CD37: variants seen among roughly 807,000 people sequenced by gnomAD.
The protein encoded by CD37 is leukocyte antigen CD37.
In CD37, 37 loss-of-function variants were observed where a neutral mutation model predicts 38.9. The observed-to-expected ratio is 0.95, with a 90% CI of 0.73 to 1.25. The LOEUF (loss-of-function observed/expected upper bound fraction) is 1.25. Ranked by LOEUF, CD37 falls within the 50% of genes most tolerant of loss-of-function variation. CD37 has a pLI of 0.00. For missense variants in CD37, 351 were observed against 360.1 expected, an observed-to-expected ratio of 0.97 and a Z score of 0.20; for synonymous variants, 146 against 150.1, an observed-to-expected ratio of 0.97 and a Z score of 0.20.
chr19:49,339,572 C>T lies in CD37; in HGVS notation c.768+159C>T. The T allele has an allele frequency of 4.8e-6, 7 of 1,453,308 alleles. No individual in the cohort carries two copies. Among genetic ancestry groups the T allele is most frequent in the Non-Finnish European group, 5.4e-6 (6 of 1,103,830 alleles). 90.0% of individuals were successfully genotyped at this position (1,453,308 alleles called of 1,614,324 possible). ...TCCACCCAGCACCGGAGGGTGGGGG[C>T]GGCCCAGCTTCAGGGAGCCCTGATT... On this transcript the variant is annotated intron_variant, in intron 7 of 7. Coordinates refer to ENST00000323906, the MANE Select transcript of CD37 (RefSeq NM_001774.3). The surrounding 1 kb of genome is among the most constrained non-coding windows in gnomAD (Gnocchi z 4.5).
chr19:49,336,765 G>A (rs1166758518), intron 2 of CD37, 144 bp from the exon 3 acceptor site: 1 of 750,938 alleles, frequency 1.3e-6, no homozygotes, highest in Non-Finnish European at 2.2e-6. Flanking sequence ...GAAGGAAACA[G>A]GGACTCAGGG....
At position 49,338,768 on chromosome 19, in the gene CD37, G is replaced by A. The variant is rs765282022; in HGVS notation, c.516G>A (p.Ser172=). The A allele has an allele frequency of 1.2e-6, 2 of 1,613,672 alleles. No homozygotes were observed. The highest frequency in any genetic ancestry group is 1.7e-6 in the Non-Finnish European group (2 of 1,180,020). The stretch of plus-strand genomic sequence containing the variant: ...TCCTCATCCTGAGAGGTAACGGGTC[G>A]GAGGCGCACCGCGTGCCCTGCTCCT... ...FQVLILRGNG[S]EAHRVPCSCY... The change falls in exon 6 of 8, where the codon TCG becomes TCA. Residue 172 remains serine (S), a synonymous_variant. Coordinates refer to ENST00000323906, the MANE Select transcript of CD37 (RefSeq NM_001774.3). The surrounding 1 kb of genome is among the most constrained non-coding windows in gnomAD (Gnocchi z 5.0).
chr19:49,336,900 C>T lies in CD37; in HGVS notation c.143-9C>T. 1 of 1,613,774 alleles carries T rather than the reference C, an allele frequency of 6.2e-7. No homozygotes were observed. The highest frequency in any genetic ancestry group is 8.5e-7 in the Non-Finnish European group (1 of 1,179,760). On this transcript the variant is annotated splice_polypyrimidine_tract_variant and intron_variant, in intron 2 of 7. Transcript: ENST00000323906. ...CACAGCTCATCATCACTCCCCTCAC[C>T]TCTCCCAGGCTTGGCCTTCGTGCCT...
Position 49,340,347 on chromosome 19 carries a change from TCCCGC to T in CD37, c.*28_*32del. On this transcript the variant is annotated 3_prime_UTR_variant, in exon 8 of 8. Coordinates refer to ENST00000323906, the MANE Select transcript of CD37 (RefSeq NM_001774.3). ...CCGTTAGGCCCCGCCCTCCCCAAAG[TCCCGC>T]CCCGCCCCCGTCACGTGCGCTGGGC... 2 of 1,544,988 alleles carry T rather than the reference TCCCGC, an allele frequency of 1.3e-6. No homozygotes were observed. The highest frequency in any genetic ancestry group is 1.8e-6 in the Non-Finnish European group (2 of 1,119,194).
Position 49,335,572 on chromosome 19 carries a change from T to C in CD37, c.32T>C (p.Ile11Thr), listed in dbSNP as rs1412979032. 3.1e-6 allele frequency: 5 copies of C among 1,613,952 alleles called. No homozygotes were observed. In the African/African-American group the frequency reaches 6.7e-5, roughly 22 times the overall value. Residue 11 changes from isoleucine to threonine, a missense_variant, in exon 1 of 8, where the codon ATC (isoleucine) becomes ACC (threonine). By Grantham distance (89) the Ile-to-Thr change is moderately conservative. Coordinates refer to ENST00000323906, the MANE Select transcript of CD37 (RefSeq NM_001774.3). The surrounding 1 kb of genome is among the most constrained non-coding windows in gnomAD (Gnocchi z 4.6). ...GCCCAGGAGAGCTGCCTCAGCCTCATCAAGTACTTCCTCTTCGTTTTCAAC... is the reference window on the plus strand; with the variant it reads ...GCCCAGGAGAGCTGCCTCAGCCTCACCAAGTACTTCCTCTTCGTTTTCAAC... MSAQESCLSLIKYFLFVFNLF... is the reference protein window; with the variant it reads MSAQESCLSLTKYFLFVFNLF...
Position 49,338,908 on chromosome 19 carries a change from T to C in CD37, c.656T>C (p.Val219Ala), listed in dbSNP as rs1854356715. 6.2e-7 allele frequency: 1 copy of C among 1,613,802 alleles called. No homozygotes were observed. Among genetic ancestry groups the C allele is most frequent in the Non-Finnish European group, 8.5e-7 (1 of 1,179,840 alleles). The change falls in exon 6 of 8, where the codon GTC becomes GCC. Residue 219 changes from valine (V) to alanine (A), a missense_variant. By Grantham distance (64) the Val-to-Ala change is moderately conservative (BLOSUM62 0). Transcript: ENST00000323906. The surrounding 1 kb of genome is among the most constrained non-coding windows in gnomAD (Gnocchi z 5.0). ...AGACACAGTGCAGACATCTGCGCTG[T>C]CCCTGCAGAGAGCCACATCTACCGC... ...RSRHSADICA[V>A]PAESHIYREG...
Position 49,339,050 on chromosome 19 carries a change from G to C in CD37, c.684+114G>C, listed in dbSNP as rs1008240856. ...GGCGGGGTCTACGAGAAAAGGAAAG[G>C]TACGGCAGGAGGGGCGGGGCCCTCT... On this transcript the variant is annotated intron_variant, in intron 6 of 7. Coordinates refer to ENST00000323906, the MANE Select transcript of CD37 (RefSeq NM_001774.3). This position sits in a 1 kb window ranked among gnomAD's most constrained non-coding sequence, Gnocchi z 4.5. 77 of 909,924 alleles carry C rather than the reference G, an allele frequency of 8.5e-5. No homozygotes were observed. The highest frequency in any genetic ancestry group is 4.1e-5 in the Admixed American group (2 of 48,260). The allele number at this position is 909,924 out of a possible 1,614,324, so 56.4% of individuals were successfully genotyped here.
In CD37 at chr19:49,339,502, G is replaced by A; in HGVS notation, c.768+89G>A. On this transcript the variant is annotated intron_variant, in intron 7 of 7. Transcript: ENST00000323906. The surrounding 1 kb of genome is among the most constrained non-coding windows in gnomAD (Gnocchi z 4.5). ...TCGCGTCCTTCGGTTGCCTGGGAAG[G>A]ACGAGCTCAGGGCGGAGCGCAGCCC... The A allele has an allele frequency of 6.5e-7, 1 of 1,533,658 alleles. No homozygotes were observed. The highest frequency in any genetic ancestry group is 1.1e-5 in the South Asian group (1 of 87,850).
At chr19:49,336,732 C>T (rs1177312675) in intron 2 of CD37, 177 bp from the exon 3 acceptor site, 8 of 608,280 alleles carry the variant, frequency 1.3e-5, no homozygotes, top group Non-Finnish European at 1.7e-5. Flanking sequence ...GGGAAACAGG[C>T]CCAGAAAGAA....
At chr19:49,336,637 G>A (rs1321687464) in intron 2 of CD37, 1 of 412,208 alleles carries the variant, frequency 2.4e-6, no homozygotes, top group Non-Finnish European at 4.5e-6. Flanking sequence ...CACAGAACAA[G>A]TGATAGGGCT....
chr19:49,337,741 C>A, intron 4 of CD37, 184 bp from the exon 5 acceptor site: 1 of 1,536,204 alleles, frequency 6.5e-7, no homozygotes. Flanking sequence ...GAGACAGAGA[C>A]TTATGAGCCG....
chr19:49,339,481 G>T lies in CD37; in HGVS notation c.768+68G>T, dbSNP rs753238158. On this transcript the variant is annotated intron_variant, in intron 7 of 7. Coordinates refer to ENST00000323906, the MANE Select transcript of CD37 (RefSeq NM_001774.3). This position sits in a 1 kb window ranked among gnomAD's most constrained non-coding sequence, Gnocchi z 4.5. ...TAGATGGCCCTGCCCTTCATTTCGCGTCCTTCGGTTGCCTGGGAAGGACGA... is the reference window on the plus strand; with the variant it reads ...TAGATGGCCCTGCCCTTCATTTCGCTTCCTTCGGTTGCCTGGGAAGGACGA... 1 of 1,558,138 alleles carries T rather than the reference G, an allele frequency of 6.4e-7. No homozygotes were observed. The highest frequency in any genetic ancestry group is 8.8e-7 in the Non-Finnish European group (1 of 1,138,590).
Position 49,338,171 on chromosome 19 carries a change from C to T in CD37, c.447+142C>T, listed in dbSNP as rs762848408. 7.6e-6 allele frequency: 11 copies of T among 1,451,818 alleles called. No individual in the cohort carries two copies. The highest frequency in any genetic ancestry group is 9.1e-6 in the Non-Finnish European group (10 of 1,104,954). 89.9% of individuals were successfully genotyped at this position (1,451,818 alleles called of 1,614,324 possible). On this transcript the variant is annotated intron_variant, in intron 5 of 7. Transcript: ENST00000323906. The surrounding 1 kb of genome is among the most constrained non-coding windows in gnomAD (Gnocchi z 5.0). ...TCCCTCCCAGGCCCGACGCTCCCCA[C>T]TCCCCAGATGACACAACTGTCCCCG...
Position 49,336,946 on chromosome 19 carries a change from C to T in CD37, c.180C>T (p.Val60=). Residue 60 remains valine (V), a synonymous_variant, in exon 3 of 8, where the codon GTC becomes GTT. Transcript: ENST00000323906. ...TGCCTCTGCAGATCTGGTCCAAAGT[C>T]CTGGCCATCTCAGGAATCTTCACCA... ...AFVPLQIWSK[V]LAISGIFTMG... 6.2e-7 allele frequency: 1 copy of T among 1,614,244 alleles called. No individual in the cohort carries two copies. The highest frequency in any genetic ancestry group is 1.1e-5 in the South Asian group (1 of 91,086).
intron 4 of CD37, among the ~76,000 whole-genome samples, chr19:49,337,467 A>T (rs1970999713): frequency 7.4e-6 from 1 of 134,678 alleles, no homozygotes; most frequent in South Asian, 2.1e-4. Flanking sequence ...TCTATATTTA[A>T]AAAAAAAATC....
chr19:49,338,104 C>T lies in CD37; in HGVS notation c.447+75C>T. The T allele has an allele frequency of 6.4e-7, 1 of 1,556,958 alleles. No homozygotes were observed. The highest frequency in any genetic ancestry group is 2.0e-5 in the Admixed American group (1 of 50,964). On this transcript the variant is annotated intron_variant, in intron 5 of 7. Transcript: ENST00000323906. The surrounding 1 kb of genome is among the most constrained non-coding windows in gnomAD (Gnocchi z 5.0). ...GTGCTTGGAGGAGACTCCACCCCAACGTGGGCCCGACCCCCAGCTCTACGA... is the reference window on the plus strand; with the variant it reads ...GTGCTTGGAGGAGACTCCACCCCAATGTGGGCCCGACCCCCAGCTCTACGA...
intron 4 of CD37, 82 bp from the exon 5 acceptor site, chr19:49,337,843 G>A (rs1971015668): frequency 5.7e-6 from 9 of 1,592,810 alleles, no homozygotes; most frequent in Non-Finnish European, 6.0e-6. Flanking sequence ...GATGCACAGG[G>A]CCCGCCTGAG....
At position 49,338,753 on chromosome 19, in the gene CD37, G is replaced by A. The variant is rs775162414; in HGVS notation, c.501G>A (p.Leu167=). The change falls in exon 6 of 8, where the codon CTG becomes CTA. Residue 167 remains leucine (L), a synonymous_variant. Transcript: ENST00000323906. This position sits in a 1 kb window ranked among gnomAD's most constrained non-coding sequence, Gnocchi z 5.0. The part of the protein sequence containing the change: ...YPQDWFQVLI[L]RGNGSEAHRV... ...AGGACTGGTTCCAAGTCCTCATCCT[G>A]AGAGGTAACGGGTCGGAGGCGCACC... 4 of 1,613,472 alleles carry A rather than the reference G, an allele frequency of 2.5e-6. No individual in the cohort carries two copies. In the South Asian group the frequency reaches 3.3e-5, roughly 13 times the overall value.
In CD37 at chr19:49,338,324, G is replaced by A. The variant is rs1031137542; in HGVS notation, c.447+295G>A. ...TAGTCCCAAGACCCTAGCGAGACAC[G>A]GCTTCCTACCCCGTAGTGACTCTGG... On this transcript the variant is annotated intron_variant, in intron 5 of 7. Coordinates refer to ENST00000323906, the MANE Select transcript of CD37 (RefSeq NM_001774.3). The surrounding 1 kb of genome is among the most constrained non-coding windows in gnomAD (Gnocchi z 5.0). 1 of 644,314 alleles carries A rather than the reference G, an allele frequency of 1.6e-6. No homozygotes were observed. Among genetic ancestry groups the A allele is most frequent in the Non-Finnish European group, 2.4e-6 (1 of 418,080 alleles). 39.9% of individuals were successfully genotyped at this position (644,314 alleles called of 1,614,324 possible).
Sources: gnomAD v4.1 joint callset for allele counts (sites outside exome capture counted in the v4.1 genomes callset) on GRCh38, gnomAD v4.1.1 for gene constraint, Gnocchi (gnomAD v3.1) non-coding constraint, MANE v1.5 for transcripts, NCBI Gene and HGNC (gene_info 2026-07-23, HGNC 2026-07-21) for gene names.